Variants in PCBP3 observed in about 807,000 individuals in gnomAD.
PCBP3 encodes the protein poly(rC)-binding protein 3.
Under a neutral mutation model 52.7 loss-of-function variants are expected in PCBP3, and 25 were observed. The ratio of observed to expected loss-of-function variants is 0.47; its 90% CI spans 0.35 to 0.66. The LOEUF (loss-of-function observed/expected upper bound fraction) is 0.66. Ranked by LOEUF, PCBP3 falls within the 30% of genes least tolerant of loss-of-function variation. The probability of loss-of-function intolerance (pLI) is 0.01; values close to 1 mark genes in which losing one functional copy is unlikely to be tolerated. For synonymous variants in PCBP3, 162 were observed against 183.0 expected, an observed-to-expected ratio of 0.89 and a Z score of 0.93; for missense variants, 391 against 490.3, an observed-to-expected ratio of 0.80 and a Z score of 1.91.
intron 13 of PCBP3, among the ~76,000 whole-genome samples, chr21:45,924,272 C>T (rs1244846608): frequency 1.4e-5 from 2 of 146,170 alleles, no homozygotes; most frequent in African/African-American, 5.1e-5. Context: ...CACGTAAGAT[C>T]GGGTGTGCGT....
chr21:45,657,262 C>T (rs1040295249), intron 1 of PCBP3, among the ~76,000 whole-genome samples: 6 of 152,212 alleles, frequency 3.9e-5, no homozygotes, highest in African/African-American at 1.4e-4. Context: ...TTTACACCTC[C>T]GTTTTATTCT....
chr21:45,872,603 T>G (rs1483678162), intron 5 of PCBP3: 1 of 152,212 alleles, frequency 6.6e-6, no homozygotes, highest in Non-Finnish European at 1.5e-5. Context: ...GCTTCTACAG[T>G]GGAGCAGCCT....
chr21:45,755,516 A>G (rs2087947298), intron 4 of PCBP3, among the ~76,000 whole-genome samples, 64 bp downstream of exon 4: 1 of 152,228 alleles, frequency 6.6e-6, no homozygotes, highest in African/African-American at 2.4e-5. Flanking sequence ...TTGCTGCACC[A>G]GTCAGTGTAC....
rs1303675924 is a variant in PCBP3 at position 45,779,031 on chromosome 21, T to A, written c.-126+23579T>A. Among the ~76,000 whole-genome samples the A allele has an allele frequency of 2.0e-5, 3 of 152,212 alleles. No individual in the cohort carries two copies. The East Asian group carries it at 5.8e-4, about 29-fold the overall frequency. ...TGGTGGCAGTAGGCTGTGCCTCACT[T>A]GGTTCTTATCCTCAGCTGTGGGAGC... On this transcript the variant is annotated intron_variant, in intron 4 of 17. Coordinates refer to ENST00000681687, the MANE Select transcript of PCBP3 (RefSeq NM_001384156.1).
intron 4 of PCBP3, among the ~76,000 whole-genome samples, chr21:45,784,694 C>T (rs997165951): frequency 7.9e-5 from 12 of 152,374 alleles, no homozygotes; most frequent in African/African-American, 2.6e-4. Flanking sequence ...AGCTCCTGAC[C>T]GCGAGTGATC....
intron 4 of PCBP3, among the ~76,000 whole-genome samples, chr21:45,810,295 A>G (rs970228252): frequency 4.6e-5 from 7 of 151,144 alleles, no homozygotes; most frequent in Non-Finnish European, 1.0e-4. Context: ...GCTGGAGTGC[A>G]GTGGCACGAT....
chr21:45,761,469 T>A (rs2088651392), intron 4 of PCBP3: 1 of 152,278 alleles, frequency 6.6e-6, no homozygotes, highest in Non-Finnish European at 1.5e-5. Flanking sequence ...TGACAACATT[T>A]TTCCTTCTCA....
chr21:45,830,084 T>C lies in PCBP3; in HGVS notation c.-125-19877T>C, dbSNP rs1167905776. The C allele has an allele frequency of 6.5e-6, 1 of 152,722 alleles. No individual in the cohort carries two copies. The highest frequency in any genetic ancestry group is 1.5e-5 in the Non-Finnish European group (1 of 68,084). The allele number at this position is 152,722 out of a possible 1,614,324, so 9.5% of individuals were successfully genotyped here. A position where few individuals can be genotyped will look rare whatever the true frequency, so the allele number is the denominator to read the frequency against. ...GTTTCCCTAGGCAAGTAGGAGGCTG[T>C]GGCCCCAAGGGGATGGAGGAAGCCT... On this transcript the variant is annotated intron_variant, in intron 4 of 17. Transcript: ENST00000681687. The surrounding 1 kb of genome is among the most constrained non-coding windows in gnomAD (Gnocchi z 4.4).
intron 2 of PCBP3, among the ~76,000 whole-genome samples, chr21:45,696,372 A>G (rs1358749893): frequency 4.6e-5 from 7 of 152,210 alleles, no homozygotes; most frequent in Non-Finnish European, 2.9e-5. Context: ...TGTTTATCAG[A>G]AGACCATTAA....
rs143811137 is a variant in PCBP3, at chr21:45,932,055, G to C, written c.856+1210G>C. ...GATGAATGAACACAACGGTCATGCT[G>C]TCCTGAGATGAATGAACACCTGGGC... On this transcript the variant is annotated intron_variant, in intron 15 of 17. Coordinates refer to ENST00000681687, the MANE Select transcript of PCBP3 (RefSeq NM_001384156.1). 4.7e-3 allele frequency among the ~76,000 whole-genome samples: 715 copies of C among 152,080 alleles called. 5 individuals carry two copies. Among genetic ancestry groups the C allele is most frequent in the African/African-American group, 0.016 (658 of 41,482 alleles).
intron 1 of PCBP3, among the ~76,000 whole-genome samples, chr21:45,650,026 C>T (rs2079574804): frequency 6.6e-6 from 1 of 151,802 alleles, no homozygotes; most frequent in African/African-American, 2.4e-5. Flanking sequence ...CTGTGATGTA[C>T]TACATTAAAA....
intron 5 of PCBP3, among the ~76,000 whole-genome samples, chr21:45,895,304 G>A (rs2095796316): frequency 6.6e-6 from 1 of 152,182 alleles, no homozygotes; most frequent in African/African-American, 2.4e-5. Flanking sequence ...TGAATCAAAG[G>A]GCAGTGTCCA....
At chr21:45,814,274 GGGTGAGTGGTGAGTGAGCTAGTGAGT>G (rs2092764135) in intron 4 of PCBP3, among the ~76,000 whole-genome samples, 2 of 152,010 alleles carry the variant, frequency 1.3e-5, no homozygotes, top group Non-Finnish European at 2.9e-5. Context: ...AGTGAGTGGT[GGGTGAGTGGTGAGTGAGCTAGTGAGT>G]GGTGAGTGGT....
At chr21:45,703,032 A>C (rs1022550124) in intron 2 of PCBP3, among the ~76,000 whole-genome samples, 1 of 152,046 alleles carries the variant, frequency 6.6e-6, no homozygotes, top group African/African-American at 2.4e-5. Context: ...TATCCATTCA[A>C]GTTTGATCAT....
chr21:45,745,194 A>G (rs756675275), intron 3 of PCBP3, among the ~76,000 whole-genome samples: 1 of 152,116 alleles, frequency 6.6e-6, no homozygotes, highest in African/African-American at 2.4e-5. Flanking sequence ...TCTGTGTGAG[A>G]CCCATAGGAG....
intron 2 of PCBP3, among the ~76,000 whole-genome samples, chr21:45,694,101 G>A (rs985483177): frequency 6.6e-5 from 10 of 151,802 alleles, no homozygotes; most frequent in African/African-American, 2.2e-4. Context: ...TTAAAACAAC[G>A]GAATAAAAAA....
At chr21:45,874,721 G>T (rs1001777974) in intron 5 of PCBP3, among the ~76,000 whole-genome samples, 3 of 152,118 alleles carry the variant, frequency 2.0e-5, no homozygotes, top group African/African-American at 7.2e-5. Context: ...GGCCAGGCTG[G>T]TCTCCAATGC....
intron 10 of PCBP3, among the ~76,000 whole-genome samples, chr21:45,909,935 CCCA>C: frequency 4.6e-5 from 4 of 87,836 alleles, no homozygotes; most frequent in South Asian, 1.3e-3. Flanking sequence ...TATGGACCCC[CCCA>C]ACCCACTTCC....
chr21:45,826,237 A>T (rs879726865), intron 4 of PCBP3, among the ~76,000 whole-genome samples: 4 of 152,108 alleles, frequency 2.6e-5, no homozygotes, highest in Non-Finnish European at 5.9e-5. Context: ...CAGCCTGGGC[A>T]ACAAGAGTGA....
Sources: gnomAD v4.1 joint callset for allele counts (sites outside exome capture counted in the v4.1 genomes callset) on GRCh38, gnomAD v4.1.1 for gene constraint, Gnocchi (gnomAD v3.1) non-coding constraint, MANE v1.5 for transcripts, NCBI Gene and HGNC (gene_info 2026-07-23, HGNC 2026-07-21) for gene names.